RPUSD1: variants seen among roughly 807,000 people sequenced by gnomAD.
RPUSD1 encodes RNA pseudouridine synthase domain containing 1, also known as pseudouridylate synthase RPUSD1.
RPUSD1 carries 28 observed loss-of-function variants against 22.4 expected under a neutral mutation model. That is an observed-to-expected ratio of 1.25 (90% confidence interval 0.93 to 1.72). The LOEUF (loss-of-function observed/expected upper bound fraction) is 1.72. Among genes scored for constraint, RPUSD1 ranks in the 40% most tolerant of loss-of-function variants. The pLI is 0.00. For synonymous variants in RPUSD1, 298 were observed against 201.0 expected (o/e 1.48, Z -4.08); for missense variants, 596 against 442.2 (o/e 1.35, Z -3.12).
At position 787,382 on chromosome 16, in the gene RPUSD1, C is replaced by G; in HGVS notation, c.278G>C (p.Arg93Pro). 1 of 1,590,314 alleles carries G rather than the reference C, an allele frequency of 6.3e-7. No homozygotes were observed. The highest frequency in any genetic ancestry group is 1.1e-5 in the South Asian group (1 of 88,120). Residue 93 changes from arginine to proline, a missense_variant, in exon 3 of 6, where the codon CGG (arginine) becomes CCG (proline). Transcript: ENST00000007264. ...TGCCAGGTAAGCCTTGGTCACGCGC[C>G]GCTCCTTGAAGCACCTGTACGCGCT... ...AGSAYRCFKE[R>P]RVTKAYLALL... is the part of the protein sequence containing the mutation.
At position 788,303 on chromosome 16, in the gene RPUSD1, CGGCTCCAGCCGCGCGCCCGCGCGCT is replaced by C. The variant is rs1404179234; in HGVS notation, c.-80_-56del. ...AGGCCCCCGATGCCGTGCCCGGCGC[CGGCTCCAGCCGCGCGCCCGCGCGCT>C]GGCGACCCAGAGACCCTGGAAGCTC... On this transcript the variant is annotated 5_prime_UTR_variant, in exon 1 of 6. Transcript: ENST00000007264. The C allele has an allele frequency of 1.8e-5, 4 of 227,784 alleles. No individual in the cohort carries two copies. Among genetic ancestry groups the C allele is most frequent in the South Asian group, 1.4e-4 (3 of 21,852 alleles). 14.1% of individuals were successfully genotyped at this position (227,784 alleles called of 1,614,324 possible). A position where few individuals can be genotyped will look rare whatever the true frequency, so the allele number is the denominator to read the frequency against.
At position 785,414 on chromosome 16, in the gene RPUSD1, T is replaced by A. The variant is rs1303090588; in HGVS notation, c.*536A>T. 1 of 153,486 alleles carries A rather than the reference T, an allele frequency of 6.5e-6. No individual in the cohort carries two copies. The highest frequency in any genetic ancestry group is 1.4e-5 in the Non-Finnish European group (1 of 69,006). The allele number at this position is 153,486 out of a possible 1,614,324, so 9.5% of individuals were successfully genotyped here. A position where few individuals can be genotyped will look rare whatever the true frequency, so the allele number is the denominator to read the frequency against. On this transcript the variant is annotated 3_prime_UTR_variant, in exon 6 of 6. Transcript: ENST00000007264. ...GAGGAGGCAGCTGAGGGCGACAGGA[T>A]CTGCACAGAGCAGTGAGGGGCAGAG...
intron 4 of RPUSD1, 46 bp from the exon 5 acceptor site, chr16:786,974 GCCC>G: frequency 6.4e-7 from 1 of 1,570,172 alleles, no homozygotes; most frequent in Non-Finnish European, 8.7e-7. Flanking sequence ...CTGACCCGGG[GCCC>G]AGGCCCACCC....
rs1214986995 is a variant in RPUSD1 at position 785,993 on chromosome 16, C to A, written c.896G>T (p.Cys299Phe). 11 of 1,457,350 alleles carry A rather than the reference C, an allele frequency of 7.5e-6. No homozygotes were observed. Among genetic ancestry groups the A allele is most frequent in the Non-Finnish European group, 9.9e-6 (11 of 1,109,082 alleles). The allele number at this position is 1,457,350 out of a possible 1,614,324, so 90.3% of individuals were successfully genotyped here. Residue 299 changes from cysteine to phenylalanine, a missense_variant, in exon 6 of 6, where the codon TGC (cysteine) becomes TTC (phenylalanine). By Grantham distance (205) the Cys-to-Phe change is radical (BLOSUM62 -2). Coordinates refer to ENST00000007264, the MANE Select transcript of RPUSD1 (RefSeq NM_058192.3). Reference protein sequence around the residue: ...PPETEAQRGPCLQWLSEWTLE... With the variant: ...PPETEAQRGPFLQWLSEWTLE... The stretch of plus-strand genomic sequence containing the variant: ...CGTCCACTCCGACAGCCACTGCAGG[C>A]AGGGGCCCCGCTGTGCCTCAGTCTC...
chr16:786,520 A>G, intron 5 of RPUSD1, 143 bp from the exon 6 acceptor site: 1 of 799,820 alleles, frequency 1.3e-6, no homozygotes, highest in Non-Finnish European at 2.0e-6. Flanking sequence ...GTCCCCTGCC[A>G]TGAGTGAGGA....
At chr16:787,979 G>C in intron 1 of RPUSD1, 2 of 585,766 alleles carry the variant, frequency 3.4e-6, no homozygotes, top group Non-Finnish European at 6.1e-6. Flanking sequence ...CCTGACCTAA[G>C]CCTGGAGAAA....
At chr16:788,028 G>C (rs761033266) in intron 1 of RPUSD1, 69 of 546,008 alleles carry the variant, frequency 1.3e-4, no homozygotes, top group South Asian at 1.2e-3. Flanking sequence ...CCTCCCCACA[G>C]ACCCTCCCCT....
chr16:788,199 G>A (rs1325546630), intron 1 of RPUSD1, 57 bp downstream of exon 1: 7 of 404,778 alleles, frequency 1.7e-5, no homozygotes, highest in Non-Finnish European at 3.4e-5. Flanking sequence ...AGGCCCGGTG[G>A]GCAGGCCGAC....
chr16:787,867 C>G, intron 1 of RPUSD1, 123 bp from the exon 2 acceptor site: 2 of 923,764 alleles, frequency 2.2e-6, no homozygotes, highest in Non-Finnish European at 3.2e-6. Flanking sequence ...GGGTCCGCAG[C>G]CCTACTGTGC....
At chr16:787,992 G>A (rs1010579965) in intron 1 of RPUSD1, 19 of 575,654 alleles carry the variant, frequency 3.3e-5, no homozygotes, top group African/African-American at 1.9e-4. Flanking sequence ...TGGAGAAAGA[G>A]CCCGTTCCAA....
chr16:786,591 T>A (rs1302265053), intron 5 of RPUSD1: 1 of 738,766 alleles, frequency 1.4e-6, no homozygotes, highest in Non-Finnish European at 2.4e-6. Flanking sequence ...AGGGCCAGGG[T>A]GGTGCTCGGT....
rs1482175070 is a variant in RPUSD1, at chr16:786,851, T to A, written c.487A>T (p.Lys163Ter). ...CCCGTGAGCGGCTTCAGCAGCACTTTGGAGACAGGATCGCCTGCGTACAGC... is the reference window on the plus strand; with the variant it reads ...CCCGTGAGCGGCTTCAGCAGCACTTAGGAGACAGGATCGCCTGCGTACAGC... ...HGLYAGDPVS[K>*]VLLKPLTGRT... Residue 163 changes from lysine to a stop codon, truncating the protein, a stop_gained, in exon 5 of 6, where the codon AAA becomes TAA. Coordinates refer to ENST00000007264, the MANE Select transcript of RPUSD1 (RefSeq NM_058192.3). LOFTEE classifies it low-confidence loss of function (END_TRUNC). The A allele has an allele frequency of 3.7e-6, 6 of 1,613,172 alleles. No individual in the cohort carries two copies. Among genetic ancestry groups the A allele is most frequent in the African/African-American group, 1.3e-5 (1 of 75,018 alleles).
rs8056717 is a variant in RPUSD1, at chr16:788,044, G to C, written c.-8+212C>G. The C allele has an allele frequency of 6.2e-4, 329 of 528,738 alleles. 2 individuals carry two copies. The highest frequency in any genetic ancestry group is 5.9e-3 in the African/African-American group (309 of 52,186). The allele number at this position is 528,738 out of a possible 1,614,324, so 32.8% of individuals were successfully genotyped here. A position where few individuals can be genotyped will look rare whatever the true frequency, so the allele number is the denominator to read the frequency against. Reference sequence around the variant, plus strand: ...CTCCCCACAGACCCTCCCCTCCAGGGGATGCACGTGAATGCCTCTGCCCGA... The same window carrying C: ...CTCCCCACAGACCCTCCCCTCCAGGCGATGCACGTGAATGCCTCTGCCCGA... On this transcript the variant is annotated intron_variant, in intron 1 of 5. Transcript: ENST00000007264.
Position 787,446 on chromosome 16 carries a change from C to T in RPUSD1, c.214G>A (p.Gly72Arg), listed in dbSNP as rs772027333. 35 of 1,582,918 alleles carry T rather than the reference C, an allele frequency of 2.2e-5. No homozygotes were observed. In the South Asian group the frequency reaches 2.5e-4, roughly 11 times the overall value. The change falls in exon 3 of 6, where the codon GGG (glycine) becomes AGG (arginine). Residue 72 changes from glycine (G) to arginine (R), a missense_variant. By Grantham distance (125) the Gly-to-Arg change is moderately radical (BLOSUM62 -2). Coordinates refer to ENST00000007264, the MANE Select transcript of RPUSD1 (RefSeq NM_058192.3). ...FCHQLDFSTSGALCVALNKAA... is the reference protein window; with the variant it reads ...FCHQLDFSTSRALCVALNKAA... ...TTGTTTAGGGCCACGCACAGCGCCCCGCTGGTGGAGAAATCCAGCTGGTGG... is the reference window on the plus strand; with the variant it reads ...TTGTTTAGGGCCACGCACAGCGCCCTGCTGGTGGAGAAATCCAGCTGGTGG...
At position 786,326 on chromosome 16, in the gene RPUSD1, A is replaced by G. The variant is rs1392674264; in HGVS notation, c.563T>C (p.Val188Ala). The G allele has an allele frequency of 1.9e-6, 3 of 1,612,522 alleles. No individual in the cohort carries two copies. In the South Asian group the frequency reaches 3.3e-5, roughly 18 times the overall value. ...GACTTCTCCGTAGGTCAGGTCGCCC[A>G]CCACGGGGTGGCCCAGGGCACTGCA... ...VHCSALGHPVVGDLTYGEVSG... is the reference protein window; with the variant it reads ...VHCSALGHPVAGDLTYGEVSG... Residue 188 changes from valine (V) to alanine (A), a missense_variant, in exon 6 of 6, where the codon GTG (valine) becomes GCG (alanine). By Grantham distance (64) the Val-to-Ala change is moderately conservative (BLOSUM62 0). Coordinates refer to ENST00000007264, the MANE Select transcript of RPUSD1 (RefSeq NM_058192.3).
At position 786,241 on chromosome 16, in the gene RPUSD1, G is replaced by C. The variant is rs137934429; in HGVS notation, c.648C>G (p.Pro216=). Residue 216 remains proline (P), a synonymous_variant, in exon 6 of 6, where the codon CCC becomes CCG. Coordinates refer to ENST00000007264, the MANE Select transcript of RPUSD1 (RefSeq NM_058192.3). ...MMLHAFYLRI[P]TDTECVEVCT... ...AGACCTCCACACACTCGGTGTCCGTGGGGATGCGCAGGTAGAAAGCGTGCA... is the reference window on the plus strand; with the variant it reads ...AGACCTCCACACACTCGGTGTCCGTCGGGATGCGCAGGTAGAAAGCGTGCA... 1 of 1,612,798 alleles carries C rather than the reference G, an allele frequency of 6.2e-7. No homozygotes were observed. Among genetic ancestry groups the C allele is most frequent in the Non-Finnish European group, 8.5e-7 (1 of 1,179,946 alleles).
chr16:786,718 T>C (rs751513119), intron 5 of RPUSD1, 109 bp downstream of exon 5: 1 of 924,304 alleles, frequency 1.1e-6, no homozygotes, highest in Non-Finnish European at 1.8e-6. Context: ...GCAGGAGTGC[T>C]TGTTGCCAGC....
At position 787,491 on chromosome 16, in the gene RPUSD1, G is replaced by A; in HGVS notation, c.183-14C>T. 6.3e-7 allele frequency: 1 copy of A among 1,589,746 alleles called. No homozygotes were observed. Among genetic ancestry groups the A allele is most frequent in the South Asian group, 1.1e-5 (1 of 88,690 alleles). ...TGGTGGCAGAACCTGGAGTGGGACA[G>A]AGTCCAGAGTCTGAGCCACTTTCCT... On this transcript the variant is annotated splice_polypyrimidine_tract_variant and intron_variant, in intron 2 of 5. Transcript: ENST00000007264.
At position 785,779 on chromosome 16, in the gene RPUSD1, C is replaced by T. The variant is rs1052808686; in HGVS notation, c.*171G>A. ...ACCTGTGATCACGGCTGCCTGGCGC[C>T]CCCTGCCGGCCCCACCTCAGCCCTT... On this transcript the variant is annotated 3_prime_UTR_variant, in exon 6 of 6. Transcript: ENST00000007264. 3 of 514,968 alleles carry T rather than the reference C, an allele frequency of 5.8e-6. No homozygotes were observed. The highest frequency in any genetic ancestry group is 3.4e-5 in the East Asian group (1 of 29,216). The allele number at this position is 514,968 out of a possible 1,614,324, so 31.9% of individuals were successfully genotyped here. A position where few individuals can be genotyped will look rare whatever the true frequency, so the allele number is the denominator to read the frequency against.
Sources: gnomAD v4.1 joint callset for allele counts on GRCh38, gnomAD v4.1.1 for gene constraint, MANE v1.5 for transcripts, NCBI Gene and HGNC (gene_info 2026-07-23, HGNC 2026-07-21) for gene names.